Variants in FBXL17 observed in about 807,000 individuals in gnomAD.
FBXL17 encodes the protein F-box/LRR-repeat protein 17.
FBXL17 carries 22 observed loss-of-function variants against 66.2 expected under a neutral mutation model. That is an observed-to-expected ratio of 0.33 (90% CI 0.24 to 0.47). The LOEUF (loss-of-function observed/expected upper bound fraction) is 0.47. Among genes scored for constraint, FBXL17 ranks in the 20% least tolerant of loss-of-function variants. The pLI is 1.00. For missense variants in FBXL17, 878 were observed against 948.2 expected, an observed-to-expected ratio of 0.93 and a Z score of 0.97; for synonymous variants, 474 against 400.5, an observed-to-expected ratio of 1.18 and a Z score of -2.19.
intron 4 of FBXL17, among the ~76,000 whole-genome samples, chr5:108,226,593 TG>T (rs1170653906): frequency 1.3e-5 from 2 of 152,180 alleles, no homozygotes; most frequent in Non-Finnish European, 2.9e-5. Context: ...GACTATGCCA[TG>T]GGGTGCCCAA....
rs1382248236 is a variant in FBXL17 at position 108,320,349 on chromosome 5, G to A, written c.1506+28050C>T. ...GTAATCATCTGGGAGAGCATGAGGG[G>A]ATTTTAACCCACCAGACAAGCCTGT... is the stretch of plus-strand genomic sequence containing the variant. On this transcript the variant is annotated intron_variant, in intron 4 of 8. Coordinates refer to ENST00000542267, the MANE Select transcript of FBXL17 (RefSeq NM_001163315.3). Among the ~76,000 whole-genome samples the A allele has an allele frequency of 4.6e-5, 7 of 151,684 alleles. No individual in the cohort carries two copies. The South Asian group carries it at 1.5e-3, about 32-fold the overall frequency.
At chr5:107,999,708 A>T (rs1753640413) in intron 7 of FBXL17, among the ~76,000 whole-genome samples, 2 of 152,148 alleles carry the variant, frequency 1.3e-5, no homozygotes. Flanking sequence ...TATAAGCAAA[A>T]GGAGGCAGGT....
At chr5:108,361,936 TG>T (rs1374051390) in intron 3 of FBXL17, among the ~76,000 whole-genome samples, 4 of 152,128 alleles carry the variant, frequency 2.6e-5, no homozygotes, top group Non-Finnish European at 5.9e-5. Context: ...GTTGCCAAGC[TG>T]GGGAATGGGT....
chr5:108,224,073 C>G (rs777949377), intron 5 of FBXL17, 48 bp downstream of exon 5: 2 of 944,242 alleles, frequency 2.1e-6, no homozygotes, highest in African/African-American at 1.6e-5. Context: ...GGGCTCATCA[C>G]CTGTATGATA....
intron 1 of FBXL17, among the ~76,000 whole-genome samples, chr5:108,377,472 G>A (rs967169349): frequency 2.6e-5 from 4 of 152,232 alleles, no homozygotes; most frequent in Non-Finnish European, 4.4e-5. Flanking sequence ...CTGTCTGACA[G>A]CGAAGCTGCT....
chr5:107,879,095 AAT>A, intron 8 of FBXL17: 1 of 985,496 alleles, frequency 1.0e-6, no homozygotes, highest in Non-Finnish European at 1.2e-6. Flanking sequence ...CTGGTCAGCA[AAT>A]ATGTCTGGAA....
chr5:108,124,159 A>G (rs1236767580), intron 6 of FBXL17, among the ~76,000 whole-genome samples: 1 of 152,118 alleles, frequency 6.6e-6, no homozygotes, highest in Admixed American at 6.5e-5. Context: ...TGAGTCCTAC[A>G]AATTCATCTT....
In FBXL17 at chr5:108,098,094, T is replaced by A. The variant is rs533154167; in HGVS notation, c.1746-77093A>T. On this transcript the variant is annotated intron_variant, in intron 6 of 8. Transcript: ENST00000542267. Reference sequence around the variant, plus strand: ...AATGAGCAAATGGACAAGCATATGGTCAGATGGATGGAAACATAGTGACTT... The same window carrying A: ...AATGAGCAAATGGACAAGCATATGGACAGATGGATGGAAACATAGTGACTT... 2.0e-5 allele frequency among the ~76,000 whole-genome samples: 3 copies of A among 152,226 alleles called. No individual in the cohort carries two copies. The South Asian group carries it at 6.2e-4, about 32-fold the overall frequency.
chr5:107,904,475 C>T (rs1749686399), intron 7 of FBXL17, among the ~76,000 whole-genome samples: 1 of 152,116 alleles, frequency 6.6e-6, no homozygotes, highest in Non-Finnish European at 1.5e-5. Context: ...ACCTAGCTTT[C>T]TTAGAAAGGA....
chr5:108,197,577 C>T lies in FBXL17; in HGVS notation c.1615-11330G>A, dbSNP rs193199203. ...TAACTAAAATGCCATTAGCCCAAGA[C>T]GAAAGCTTACCATATCCAAGCCAAG... On this transcript the variant is annotated intron_variant, in intron 5 of 8. Coordinates refer to ENST00000542267, the MANE Select transcript of FBXL17 (RefSeq NM_001163315.3). 4.2e-4 allele frequency among the ~76,000 whole-genome samples: 64 copies of T among 152,200 alleles called. No homozygotes were observed. In the South Asian group the frequency reaches 7.5e-3, roughly 18 times the overall value.
At chr5:108,208,446 T>C (rs1754223034) in intron 5 of FBXL17, among the ~76,000 whole-genome samples, 1 of 152,208 alleles carries the variant, frequency 6.6e-6, no homozygotes, top group South Asian at 2.1e-4. Context: ...TGGACCTAGG[T>C]CTTACGTTTA....
chr5:107,992,509 C>T (rs1753291506), intron 7 of FBXL17, among the ~76,000 whole-genome samples: 1 of 152,106 alleles, frequency 6.6e-6, no homozygotes, highest in South Asian at 2.1e-4. Context: ...AAAACACTGC[C>T]ATTACTAAGC....
At chr5:107,916,624 T>C (rs886542437) in intron 7 of FBXL17, among the ~76,000 whole-genome samples, 8 of 152,240 alleles carry the variant, frequency 5.3e-5, no homozygotes, top group African/African-American at 1.9e-4. Context: ...ATTTGCTATT[T>C]TTATTCCAGA....
chr5:108,335,022 C>T (rs1040457012), intron 4 of FBXL17, among the ~76,000 whole-genome samples: 3 of 152,020 alleles, frequency 2.0e-5, no homozygotes, highest in African/African-American at 7.3e-5. Flanking sequence ...AAGGTAAAAT[C>T]AAAAATAAAT....
At chr5:108,174,236 T>C (rs1303208425) in intron 6 of FBXL17, among the ~76,000 whole-genome samples, 3 of 152,160 alleles carry the variant, frequency 2.0e-5, no homozygotes, top group Admixed American at 6.6e-5. Context: ...ATCTTATAAA[T>C]ATATTAAATA....
At chr5:107,917,399 A>G (rs1430266786) in intron 7 of FBXL17, among the ~76,000 whole-genome samples, 1 of 152,206 alleles carries the variant, frequency 6.6e-6, no homozygotes, top group Non-Finnish European at 1.5e-5. Flanking sequence ...GTGAAAGATG[A>G]AAGAAAAACC....
At chr5:108,378,856 C>G (rs1255122242) in intron 1 of FBXL17, among the ~76,000 whole-genome samples, 1 of 152,190 alleles carries the variant, frequency 6.6e-6, no homozygotes. Flanking sequence ...CTGGGGTTGG[C>G]AGACACTGAA....
At chr5:108,080,150 AT>A (rs1454047460) in intron 6 of FBXL17, among the ~76,000 whole-genome samples, 3 of 152,230 alleles carry the variant, frequency 2.0e-5, no homozygotes, top group African/African-American at 7.2e-5. Flanking sequence ...TAAAGCAAAT[AT>A]CTTAGCAAAG....
At chr5:107,931,822 T>C (rs1238197908) in intron 7 of FBXL17, among the ~76,000 whole-genome samples, 1 of 152,200 alleles carries the variant, frequency 6.6e-6, no homozygotes, top group Non-Finnish European at 1.5e-5. Flanking sequence ...TATTTATCAA[T>C]GCCATTTCTA....
Sources: allele counts gnomAD v4.1 joint callset (sites outside exome capture counted in the v4.1 genomes callset), GRCh38; gene constraint gnomAD v4.1.1; transcripts MANE v1.5; gene names NCBI Gene and HGNC (gene_info 2026-07-23, HGNC 2026-07-21).